Variants in JAK1 observed in about 807,000 individuals in gnomAD.
The protein encoded by JAK1 is Janus kinase 1.
JAK1 carries 16 observed loss-of-function variants against 136.6 expected under a neutral mutation model. That is an observed-to-expected ratio of 0.12 (90% CI 0.08 to 0.18). The LOEUF (loss-of-function observed/expected upper bound fraction) is 0.18, where lower values mean the gene tolerates loss of function less well. Ranked by LOEUF, JAK1 falls within the 10% of genes least tolerant of loss-of-function variation. The pLI is 1.00. For synonymous variants in JAK1, 492 were observed against 519.5 expected, an observed-to-expected ratio of 0.95 and a Z score of 0.72; for missense variants, 859 against 1,450.1, an observed-to-expected ratio of 0.59 and a Z score of 6.62.
intron 1 of JAK1, among the ~76,000 whole-genome samples, chr1:64,939,852 A>G (rs1467325828): frequency 6.6e-6 from 1 of 152,234 alleles, no homozygotes; most frequent in Non-Finnish European, 1.5e-5. Flanking sequence ...GTATCCCCCA[A>G]CTGGGTGGCT....
intron 1 of JAK1, among the ~76,000 whole-genome samples, chr1:64,909,014 G>A (rs1220635035): frequency 1.3e-5 from 2 of 152,306 alleles, no homozygotes; most frequent in East Asian, 1.9e-4. Context: ...ACGAACGAAC[G>A]AGCTAATTAC....
chr1:65,036,340 T>G (rs1189437106), intron 2 of JAK1, among the ~76,000 whole-genome samples: 2 of 151,620 alleles, frequency 1.3e-5, no homozygotes, highest in Non-Finnish European at 2.9e-5. Flanking sequence ...GAGGCTAAGG[T>G]GGGAGAGTCA....
chr1:65,048,102 A>C (rs1416611236), intron 1 of JAK1, among the ~76,000 whole-genome samples: 1 of 152,236 alleles, frequency 6.6e-6, no homozygotes, highest in African/African-American at 2.4e-5. Context: ...TGTTGTTTGC[A>C]GGTGGAAGAA....
chr1:64,872,345 C>T (rs1657123211), intron 5 of JAK1, among the ~76,000 whole-genome samples: 1 of 152,166 alleles, frequency 6.6e-6, no homozygotes, highest in Admixed American at 6.5e-5. Context: ...CCACCCCTCT[C>T]TTAGAATTGC....
chr1:64,992,812 C>T (rs935000840), intron 2 of JAK1: 3 of 151,044 alleles, frequency 2.0e-5, no homozygotes, highest in Non-Finnish European at 4.4e-5. Flanking sequence ...TGGCAGGAAT[C>T]CAGGAGGTGG....
At chr1:65,021,663 G>A (rs1004762007) in intron 2 of JAK1, among the ~76,000 whole-genome samples, 14 of 152,196 alleles carry the variant, frequency 9.2e-5, no homozygotes, top group South Asian at 6.2e-4. Flanking sequence ...GTCTATCCCC[G>A]CTAGGTAGCA....
At chr1:64,926,354 CAGCAG>C (rs1645581899) in intron 1 of JAK1, among the ~76,000 whole-genome samples, 1 of 151,168 alleles carries the variant, frequency 6.6e-6, no homozygotes, top group East Asian at 2.0e-4. Context: ...CCAGACTCAA[CAGCAG>C]GATCCCCTCC....
chr1:65,044,108 C>T (rs1647162037), intron 2 of JAK1, among the ~76,000 whole-genome samples: 1 of 152,128 alleles, frequency 6.6e-6, no homozygotes. Context: ...CCACCTGCCT[C>T]GGCCTCCCAA....
intron 15 of JAK1, 84 bp downstream of exon 15, chr1:64,845,429 C>A: frequency 6.6e-7 from 1 of 1,523,864 alleles, no homozygotes; most frequent in Middle Eastern, 1.8e-4. Context: ...CCTCTAGCTG[C>A]TTGGCTAGCA....
chr1:64,870,918 G>GT (rs1003779144), intron 5 of JAK1, among the ~76,000 whole-genome samples: 1 of 152,106 alleles, frequency 6.6e-6, no homozygotes, highest in Admixed American at 6.6e-5. Flanking sequence ...TTGGCCTGTG[G>GT]TTTTTTTGTA....
intron 2 of JAK1, among the ~76,000 whole-genome samples, chr1:65,023,240 A>G (rs1422161995): frequency 2.0e-5 from 3 of 151,302 alleles, no homozygotes; most frequent in African/African-American, 7.3e-5. Context: ...GTATCTGGAG[A>G]CACAGGCATA....
intron 1 of JAK1, among the ~76,000 whole-genome samples, chr1:65,052,282 T>TA (rs1177701773): frequency 6.6e-6 from 1 of 152,088 alleles, no homozygotes. Flanking sequence ...TGGGAATCCT[T>TA]ACACTCATCA....
chr1:64,840,459 CTGTTTGGAAACT>C (rs1348177748), intron 19 of JAK1, among the ~76,000 whole-genome samples: 1 of 152,182 alleles, frequency 6.6e-6, no homozygotes, highest in Non-Finnish European at 1.5e-5. Context: ...TCACAATTAA[CTGTTTGGAAACT>C]CCCATTTAAG....
At chr1:64,997,813 G>A (rs1646717517) in intron 2 of JAK1, among the ~76,000 whole-genome samples, 1 of 152,198 alleles carries the variant, frequency 6.6e-6, no homozygotes, top group South Asian at 2.1e-4. Flanking sequence ...GTGAAGGATA[G>A]AGAAGGAATG....
chr1:64,938,407 A>G (rs996461948), intron 1 of JAK1, among the ~76,000 whole-genome samples: 2 of 152,186 alleles, frequency 1.3e-5, no homozygotes, highest in African/African-American at 4.8e-5. Context: ...CCTAGTTAGG[A>G]AACAAGACCC....
intron 1 of JAK1, among the ~76,000 whole-genome samples, chr1:64,890,738 C>T (rs1423963716): frequency 1.3e-5 from 2 of 152,188 alleles, no homozygotes; most frequent in African/African-American, 4.8e-5. Context: ...CTTTATGGCA[C>T]AGGACTAAAG....
intron 1 of JAK1, among the ~76,000 whole-genome samples, chr1:64,924,036 G>A (rs1645540804): frequency 6.6e-6 from 1 of 152,120 alleles, no homozygotes; most frequent in Admixed American, 6.5e-5. Flanking sequence ...AAGACATAAT[G>A]AAGTAGTCTA....
intron 1 of JAK1, among the ~76,000 whole-genome samples, chr1:65,049,915 T>C (rs1172183520): frequency 6.6e-6 from 1 of 152,118 alleles, no homozygotes; most frequent in African/African-American, 2.4e-5. Flanking sequence ...CTGAGAGAAG[T>C]TCCCACAAAA....
intron 2 of JAK1, among the ~76,000 whole-genome samples, chr1:65,034,207 C>G (rs1429572647): frequency 6.6e-6 from 1 of 152,128 alleles, no homozygotes; most frequent in African/African-American, 2.4e-5. Context: ...ATTAACATAA[C>G]TGGTATTGAA....
Sources: allele counts gnomAD v4.1 joint callset (sites outside exome capture counted in the v4.1 genomes callset), GRCh38; gene constraint gnomAD v4.1.1; transcripts MANE v1.5; gene names NCBI Gene and HGNC (gene_info 2026-07-23, HGNC 2026-07-21).